Variants in PPP2R3B observed in about 807,000 individuals in gnomAD.
PPP2R3B encodes the protein protein phosphatase 2 regulatory subunit B''beta, also known as serine/threonine-protein phosphatase 2A regulatory subunit B'' subunit beta.
In PPP2R3B, 68 loss-of-function variants were observed where a neutral mutation model predicts 72.9. The observed-to-expected ratio is 0.93, with a 90% CI of 0.77 to 1.14. The LOEUF (loss-of-function observed/expected upper bound fraction) is 1.14, where lower values mean the gene tolerates loss of function less well. Among genes scored for constraint, PPP2R3B ranks in the 50% most tolerant of loss-of-function variants. The pLI, the probability that PPP2R3B is intolerant of heterozygous loss-of-function variation, is 0.00. For missense variants in PPP2R3B, 1,018 were observed against 842.0 expected (o/e 1.21, Z -2.59); for synonymous variants, 466 against 375.8 (o/e 1.24, Z -2.78).
chrX:335,000 G>GT (rs1179740023), intron 12 of PPP2R3B: 1 of 154,120 alleles, frequency 6.5e-6, no homozygotes, highest in African/African-American at 2.4e-5. Flanking sequence ...GGTCTCGGCA[G>GT]TGACGTCGGG....
At chrX:364,674 C>T (rs781144750) in intron 1 of PPP2R3B, among the ~76,000 whole-genome samples, 7 of 105,218 alleles carry the variant, frequency 6.7e-5, no homozygotes, top group East Asian at 7.1e-4. Flanking sequence ...GCTGAGATCG[C>T]ACCACTGCAC....
intron 2 of PPP2R3B, among the ~76,000 whole-genome samples, chrX:355,532 A>G (rs1484975686): frequency 6.6e-6 from 1 of 152,210 alleles, no homozygotes; most frequent in Non-Finnish European, 1.5e-5. Flanking sequence ...CCACTCGGGA[A>G]GACAGCGTGC....
chrX:365,194 C>T (rs1416924197), intron 1 of PPP2R3B, among the ~76,000 whole-genome samples: 14 of 55,700 alleles, frequency 2.5e-4, no homozygotes, highest in African/African-American at 8.7e-4. Context: ...GCCTGGGCGA[C>T]AGAGTGAGAC....
At chrX:383,837 CAAAAAAAA>C (rs757960788) in intron 1 of PPP2R3B, among the ~76,000 whole-genome samples, 47 of 45,620 alleles carry the variant, frequency 1.0e-3, no homozygotes, top group South Asian at 4.1e-3. Context: ...GACTCCGTCT[CAAAAAAAA>C]AAAAAAAAAA....
At chrX:362,881 C>T (rs1488785684) in intron 1 of PPP2R3B, among the ~76,000 whole-genome samples, 6 of 151,798 alleles carry the variant, frequency 4.0e-5, no homozygotes, top group African/African-American at 9.7e-5. Flanking sequence ...GTATCCTCAC[C>T]GCAGGTCACA....
intron 1 of PPP2R3B, among the ~76,000 whole-genome samples, chrX:362,032 G>A (rs1168341070): frequency 3.3e-5 from 5 of 152,156 alleles, no homozygotes; most frequent in Non-Finnish European, 4.4e-5. Context: ...CACAGGTGCC[G>A]TCCACAGGCA....
intron 1 of PPP2R3B, among the ~76,000 whole-genome samples, chrX:363,454 G>GCCCGCGAT (rs1307431952): frequency 4.0e-5 from 6 of 151,492 alleles, no homozygotes; most frequent in Non-Finnish European, 7.4e-5. Flanking sequence ...ATCTCCCCGA[G>GCCCGCGAT]CCCACCATCC....
rs185187280 is a variant in PPP2R3B, at chrX:351,347, C to T, written c.511-3654G>A. 4.2e-4 allele frequency among the ~76,000 whole-genome samples: 64 copies of T among 152,276 alleles called. 1 individual carries two copies. Among genetic ancestry groups the T allele is most frequent in the African/African-American group, 1.5e-3 (62 of 41,562 alleles). On this transcript the variant is annotated intron_variant, in intron 2 of 12. Coordinates refer to ENST00000390665, the MANE Select transcript of PPP2R3B (RefSeq NM_013239.5). ...CACAGGCCGTGCAGGTTTCAAACCC[C>T]AAGCGCTCAACACCCAGGGATGGGG...
chrX:349,565 A>G (rs772905721), intron 2 of PPP2R3B, among the ~76,000 whole-genome samples: 7 of 152,362 alleles, frequency 4.6e-5, no homozygotes, highest in South Asian at 2.1e-4. Context: ...ACGGGTAAGA[A>G]GAGGCAGAAC....
At chrX:358,693 C>T (rs1478919566) in intron 2 of PPP2R3B, among the ~76,000 whole-genome samples, 1 of 152,154 alleles carries the variant, frequency 6.6e-6, no homozygotes, top group Non-Finnish European at 1.5e-5. Context: ...TGCCGCTGTG[C>T]GTGGAAGCGA....
At chrX:341,015 C>CCTGGGGCAG in intron 9 of PPP2R3B, 75 bp from the exon 10 acceptor site, 1 of 1,555,224 alleles carries the variant, frequency 6.4e-7, no homozygotes, top group South Asian at 1.2e-5. Context: ...TGAGGCAGCC[C>CCTGGGGCAG]CCACCGGGGG....
chrX:338,371 C>T (rs926439710), intron 12 of PPP2R3B: 3 of 604,670 alleles, frequency 5.0e-6, no homozygotes, highest in Non-Finnish European at 8.9e-6. Flanking sequence ...ATCACAGAAC[C>T]CCACGCGGGG....
Position 338,632 on chromosome X carries a change from C to G in PPP2R3B, c.1549G>C (p.Glu517Gln). ...TCCTCCCAGGGCTCTCCCGCAGTCTCCTCGGCCACCAGGATGTCGTACTCC... is the reference window on the plus strand; with the variant it reads ...TCCTCCCAGGGCTCTCCCGCAGTCTGCTCGGCCACCAGGATGTCGTACTCC... ...AEEYDILVAE[E>Q]TAGEPWEDGF... is the part of the protein sequence containing the mutation. Residue 517 changes from glutamate to glutamine, a missense_variant, in exon 12 of 13, where the codon GAG becomes CAG. Transcript: ENST00000390665. The G allele has an allele frequency of 6.2e-7, 1 of 1,610,956 alleles. No individual in the cohort carries two copies. The highest frequency in any genetic ancestry group is 1.1e-5 in the South Asian group (1 of 90,918).
chrX:363,847 G>A lies in PPP2R3B; in HGVS notation c.325-2257C>T, dbSNP rs1057100290. Among the ~76,000 whole-genome samples the A allele has an allele frequency of 4.3e-4, 66 of 152,238 alleles. 1 individual carries two copies. Among genetic ancestry groups the A allele is most frequent in the Admixed American group, 3.6e-3 (55 of 15,284 alleles). On this transcript the variant is annotated intron_variant, in intron 1 of 12. Transcript: ENST00000390665. ...CTATTTGGGGTACGGAACTGACCCCGCGAATATTCTGCAGTGAGCTCTCGG... is the reference window on the plus strand; with the variant it reads ...CTATTTGGGGTACGGAACTGACCCCACGAATATTCTGCAGTGAGCTCTCGG...
chrX:346,420 C>T (rs2071214877), intron 5 of PPP2R3B, 160 bp from the exon 6 acceptor site: 3 of 693,024 alleles, frequency 4.3e-6, no homozygotes, highest in African/African-American at 3.7e-5. Context: ...CGGGAGGCGC[C>T]GCCCCAGGCC....
intron 1 of PPP2R3B, among the ~76,000 whole-genome samples, chrX:384,982 CAAAAAAAAA>C (rs773590401): frequency 6.8e-4 from 43 of 63,080 alleles, no homozygotes; most frequent in African/African-American, 2.4e-3. Flanking sequence ...GAATCTGTCT[CAAAAAAAAA>C]AAAAAAAAAA....
Position 368,988 on chromosome X carries a change from C to T in PPP2R3B, c.325-7398G>A, listed in dbSNP as rs187500791. Among the ~76,000 whole-genome samples, 807 of 152,340 alleles carry T rather than the reference C, an allele frequency of 5.3e-3. 10 individuals are homozygous for T. Among genetic ancestry groups the T allele is most frequent in the African/African-American group, 0.019 (770 of 41,572 alleles). On this transcript the variant is annotated intron_variant, in intron 1 of 12. Coordinates refer to ENST00000390665, the MANE Select transcript of PPP2R3B (RefSeq NM_013239.5). ...CATGCGGGCACAGAAGATTTACAAG[C>T]TTAATCTCATGGACAGAAATAGACT...
intron 1 of PPP2R3B, among the ~76,000 whole-genome samples, chrX:382,893 G>A (rs1172958293): frequency 6.6e-6 from 1 of 152,122 alleles, no homozygotes; most frequent in East Asian, 1.9e-4. Flanking sequence ...CGATCCCACT[G>A]AGAAAGCAAG....
chrX:376,198 GAA>G (rs59781955), intron 1 of PPP2R3B, among the ~76,000 whole-genome samples: 20 of 115,754 alleles, frequency 1.7e-4, no homozygotes, highest in African/African-American at 2.9e-4. Context: ...TCTCAAAAAG[GAA>G]AAAAAAAAAA....
Sources: gnomAD v4.1 joint callset for allele counts (sites outside exome capture counted in the v4.1 genomes callset) on GRCh38, gnomAD v4.1.1 for gene constraint, MANE v1.5 for transcripts, NCBI Gene and HGNC (gene_info 2026-07-23, HGNC 2026-07-21) for gene names.